NKAIN3: variants seen among roughly 807,000 people sequenced by gnomAD.
NKAIN3 encodes the protein sodium/potassium transporting ATPase interacting 3, also known as sodium/potassium-transporting ATPase subunit beta-1-interacting protein 3.
In NKAIN3, 25 loss-of-function variants were observed where a neutral mutation model predicts 30.2. That is an observed-to-expected ratio of 0.83 (90% confidence interval 0.60 to 1.16). The LOEUF (loss-of-function observed/expected upper bound fraction) is 1.16. Ranked by LOEUF, NKAIN3 falls within the 50% of genes most tolerant of loss-of-function variation. The pLI, the probability that NKAIN3 is intolerant of heterozygous loss-of-function variation, is 0.00. For synonymous variants in NKAIN3, 91 were observed against 89.6 expected, an observed-to-expected ratio of 1.02 and a Z score of -0.09; for missense variants, 225 against 254.1, an observed-to-expected ratio of 0.89 and a Z score of 0.78.
At chr8:62,687,173 G>T (rs1229539117) in intron 3 of NKAIN3, among the ~76,000 whole-genome samples, 1 of 152,164 alleles carries the variant, frequency 6.6e-6, no homozygotes, top group Non-Finnish European at 1.5e-5. Context: ...CATTTGAATT[G>T]TTCAGGACAC....
intron 1 of NKAIN3, among the ~76,000 whole-genome samples, chr8:62,396,272 C>T (rs936433620): frequency 1.3e-5 from 2 of 152,160 alleles, no homozygotes; most frequent in Admixed American, 6.5e-5. Context: ...GTGATTATTT[C>T]CCTTTTAGAA....
chr8:62,576,275 C>G (rs949116535), intron 1 of NKAIN3, among the ~76,000 whole-genome samples: 2 of 152,072 alleles, frequency 1.3e-5, no homozygotes, highest in African/African-American at 4.8e-5. Flanking sequence ...ATTAAAAAAT[C>G]TAATAATCTG....
intron 1 of NKAIN3, among the ~76,000 whole-genome samples, chr8:62,572,379 A>G (rs1406930061): frequency 6.6e-6 from 1 of 152,142 alleles, no homozygotes; most frequent in Non-Finnish European, 1.5e-5. Context: ...GACATTCAAC[A>G]AGTCTCTAGG....
intron 1 of NKAIN3, among the ~76,000 whole-genome samples, chr8:62,312,232 T>C (rs1814466019): frequency 6.6e-6 from 1 of 150,794 alleles, no homozygotes. Flanking sequence ...AAAAGAGTTA[T>C]GTAGCAGTTT....
intron 1 of NKAIN3, among the ~76,000 whole-genome samples, chr8:62,409,121 C>G (rs1431046027): frequency 9.2e-5 from 14 of 152,038 alleles, no homozygotes; most frequent in Admixed American, 9.2e-4. Flanking sequence ...AGTTAGTGTT[C>G]TGTGCTATTT....
chr8:62,713,278 C>T (rs919740216), intron 3 of NKAIN3, among the ~76,000 whole-genome samples: 1 of 152,158 alleles, frequency 6.6e-6, no homozygotes, highest in African/African-American at 2.4e-5. Context: ...ATGACAAAAG[C>T]TTGCACGTAG....
intron 1 of NKAIN3, among the ~76,000 whole-genome samples, chr8:62,320,426 C>T (rs1020046223): frequency 1.0e-3 from 154 of 152,168 alleles, no homozygotes; most frequent in African/African-American, 3.6e-3. Context: ...TCTTCCTAGC[C>T]TCGATGGTCT....
At position 62,274,071 on chromosome 8, in the gene NKAIN3, C is replaced by T. The variant is rs571841888; in HGVS notation, c.54+24944C>T. Among the ~76,000 whole-genome samples, 146 of 152,190 alleles carry T rather than the reference C, an allele frequency of 9.6e-4. 2 individuals are homozygous for T. Among genetic ancestry groups the T allele is most frequent in the Non-Finnish European group, 1.9e-3 (130 of 68,010 alleles). ...TCTCGATTACTTACTATAACTAAAC[C>T]TGGAATTCGTGGGTTTATTTGATGC... On this transcript the variant is annotated intron_variant, in intron 1 of 6. Transcript: ENST00000623646.
intron 1 of NKAIN3, among the ~76,000 whole-genome samples, chr8:62,380,539 C>T (rs1050002281): frequency 6.6e-6 from 1 of 152,172 alleles, no homozygotes; most frequent in Non-Finnish European, 1.5e-5. Context: ...AGGTACTGAG[C>T]ATATATGCCT....
chr8:62,307,089 G>A (rs1208925239), intron 1 of NKAIN3, among the ~76,000 whole-genome samples: 2 of 149,850 alleles, frequency 1.3e-5, no homozygotes, highest in Non-Finnish European at 1.5e-5. Context: ...AGGTAACAGA[G>A]CTGAGGGGGC....
At position 62,971,453 on chromosome 8, in the gene NKAIN3, A is replaced by G. The variant is rs1472314267; in HGVS notation, c.*6046A>G. Among the ~76,000 whole-genome samples the G allele has an allele frequency of 6.6e-6, 1 of 152,078 alleles. No homozygotes were observed. Among genetic ancestry groups the G allele is most frequent in the East Asian group, 1.9e-4 (1 of 5,190 alleles). ...CGAGTTCGAGACCAGCCTGAGCAACATGGCAAAACCCCATACCTACAAAAA... is the reference window on the plus strand; with the variant it reads ...CGAGTTCGAGACCAGCCTGAGCAACGTGGCAAAACCCCATACCTACAAAAA... On this transcript the variant is annotated 3_prime_UTR_variant, in exon 7 of 7. Coordinates refer to ENST00000623646, the MANE Select transcript of NKAIN3 (RefSeq NM_001304533.3).
At chr8:62,964,543 T>A (rs879867032) in intron 6 of NKAIN3, among the ~76,000 whole-genome samples, 9,080 of 103,012 alleles carry the variant, frequency 0.088, 271 homozygotes, top group Non-Finnish European at 0.12. Context: ...AGAGAGTGTG[T>A]GTGTGTGTGT....
At chr8:62,512,193 A>T (rs913126052) in intron 1 of NKAIN3, among the ~76,000 whole-genome samples, 1 of 152,170 alleles carries the variant, frequency 6.6e-6, no homozygotes, top group Non-Finnish European at 1.5e-5. Context: ...GATTGCTAAA[A>T]TTATTGATAA....
intron 1 of NKAIN3, chr8:62,474,160 A>C (rs1377640885): frequency 6.6e-6 from 1 of 152,204 alleles, no homozygotes; most frequent in Non-Finnish European, 1.5e-5. Context: ...GGTGTAAAAG[A>C]TCTTCATTCA....
In NKAIN3 at chr8:62,626,563, A is replaced by G. The variant is rs1222489808; in HGVS notation, c.273+36769A>G. On this transcript the variant is annotated intron_variant, in intron 3 of 6. Coordinates refer to ENST00000623646, the MANE Select transcript of NKAIN3 (RefSeq NM_001304533.3). ...AGGAGACAACAGTGCATTATGACAC[A>G]TGTCTAAAGGCGGGGGCTTTGGGGA... Among the ~76,000 whole-genome samples the G allele has an allele frequency of 3.3e-5, 5 of 152,114 alleles. No homozygotes were observed. The East Asian group carries it at 9.7e-4, about 29-fold the overall frequency.
chr8:62,962,565 G>A (rs1823598339), intron 6 of NKAIN3, among the ~76,000 whole-genome samples: 1 of 152,106 alleles, frequency 6.6e-6, no homozygotes, highest in Admixed American at 6.5e-5. Flanking sequence ...CTTTGCAGTG[G>A]GTCTGTGCCA....
intron 3 of NKAIN3, among the ~76,000 whole-genome samples, chr8:62,590,818 C>G (rs888652890): frequency 6.6e-6 from 1 of 151,698 alleles, no homozygotes; most frequent in African/African-American, 2.4e-5. Context: ...CTTTTTTCTC[C>G]ACTATAATAA....
intron 3 of NKAIN3, among the ~76,000 whole-genome samples, chr8:62,683,017 G>C (rs1035229326): frequency 6.7e-6 from 1 of 148,506 alleles, no homozygotes; most frequent in African/African-American, 2.5e-5. Context: ...GGTTTTGTTT[G>C]TTTGTTTTTT....
chr8:62,538,727 G>A (rs1037235293), intron 1 of NKAIN3, among the ~76,000 whole-genome samples: 7 of 152,088 alleles, frequency 4.6e-5, no homozygotes, highest in African/African-American at 1.7e-4. Context: ...GTTGGTCTCC[G>A]TGTTCTTGTT....
Sources: gnomAD v4.1 joint callset for allele counts (sites outside exome capture counted in the v4.1 genomes callset) on GRCh38, gnomAD v4.1.1 for gene constraint, MANE v1.5 for transcripts, NCBI Gene and HGNC (gene_info 2026-07-23, HGNC 2026-07-21) for gene names.